PITPNM2: variants seen among roughly 807,000 people sequenced by gnomAD.
The protein encoded by PITPNM2 is membrane-associated phosphatidylinositol transfer protein 2.
Under a neutral mutation model 132.2 loss-of-function variants are expected in PITPNM2, and 35 were observed. The observed-to-expected ratio is 0.26, with a 90% CI of 0.20 to 0.35. The LOEUF (loss-of-function observed/expected upper bound fraction) is 0.35. Ranked by LOEUF, PITPNM2 falls within the 10% of genes least tolerant of loss-of-function variation. The probability of loss-of-function intolerance (pLI) is 1.00; values close to 1 mark genes in which losing one functional copy is unlikely to be tolerated. For synonymous variants in PITPNM2, 738 were observed against 799.2 expected (o/e 0.92, Z 1.29); for missense variants, 1,332 against 1,912.0 (o/e 0.70, Z 5.66).
Position 122,996,705 on chromosome 12 carries a change from C to T in PITPNM2, c.1662+16G>A, listed in dbSNP as rs1279933592. Reference sequence around the variant, plus strand: ...TCTTCCATCCTCCTCCCCTCCCCAACTTCCCCGGGACTCACCTGCCCATTG... The same window carrying T: ...TCTTCCATCCTCCTCCCCTCCCCAATTTCCCCGGGACTCACCTGCCCATTG... On this transcript the variant is annotated intron_variant, in intron 12 of 25. Coordinates refer to ENST00000320201, the MANE Select transcript of PITPNM2 (RefSeq NM_020845.3). 1.2e-5 allele frequency: 20 copies of T among 1,610,790 alleles called. No individual in the cohort carries two copies. The highest frequency in any genetic ancestry group is 1.6e-5 in the Non-Finnish European group (19 of 1,179,082).
At chr12:123,135,614 A>G (rs1394530878) in intron 1 of PITPNM2, among the ~76,000 whole-genome samples, 3 of 152,150 alleles carry the variant, frequency 2.0e-5, no homozygotes, top group Non-Finnish European at 4.4e-5. Context: ...ATCATGCAGT[A>G]TTTGCGTTTC....
intron 1 of PITPNM2, among the ~76,000 whole-genome samples, chr12:123,128,265 A>C (rs1475858785): frequency 1.1e-4 from 1 of 9,062 alleles, no homozygotes; most frequent in Non-Finnish European, 4.2e-4. Flanking sequence ...CCATCTCTAC[A>C]AAAAAAAAAA....
intron 3 of PITPNM2, among the ~76,000 whole-genome samples, chr12:123,027,236 T>C (rs56000615): frequency 0.025 from 3,753 of 152,208 alleles, 139 homozygotes; most frequent in African/African-American, 0.084. Context: ...TGACTCTTCA[T>C]GCTGACTCCA....
At chr12:123,049,768 T>G (rs889953974) in intron 2 of PITPNM2, among the ~76,000 whole-genome samples, 8 of 152,326 alleles carry the variant, frequency 5.3e-5, no homozygotes, top group African/African-American at 1.9e-4. Context: ...ATAATCCCAG[T>G]AGATAATCCT....
chr12:123,127,473 A>G (rs947491839), intron 1 of PITPNM2, among the ~76,000 whole-genome samples: 7 of 152,204 alleles, frequency 4.6e-5, no homozygotes, highest in African/African-American at 1.7e-4. Context: ...CTTATTTTGC[A>G]ACAGGCTGCC....
intron 2 of PITPNM2, among the ~76,000 whole-genome samples, chr12:123,040,117 G>C (rs1487621358): frequency 6.6e-6 from 1 of 152,048 alleles, no homozygotes; most frequent in African/African-American, 2.4e-5. Context: ...GCAACAGAGC[G>C]AGACCCTATC....
Position 123,008,834 on chromosome 12 carries a change from G to A in PITPNM2, c.643+1016C>T, listed in dbSNP as rs975687880. On this transcript the variant is annotated intron_variant, in intron 6 of 25. Transcript: ENST00000320201. The surrounding 1 kb of genome is among the most constrained non-coding windows in gnomAD (Gnocchi z 4.1). Reference sequence around the variant, plus strand: ...TCTTCGCTTCTCCAAGTGGAAGACCGCGTCCTTGGACCCCAATCCTTTCGG... The same window carrying A: ...TCTTCGCTTCTCCAAGTGGAAGACCACGTCCTTGGACCCCAATCCTTTCGG... Among the ~76,000 whole-genome samples the A allele has an allele frequency of 1.3e-5, 2 of 152,198 alleles. No individual in the cohort carries two copies. The highest frequency in any genetic ancestry group is 2.4e-5 in the African/African-American group (1 of 41,444).
intron 2 of PITPNM2, among the ~76,000 whole-genome samples, chr12:123,096,034 G>A (rs893844901): frequency 3.3e-5 from 5 of 152,242 alleles, no homozygotes; most frequent in Non-Finnish European, 7.3e-5. Flanking sequence ...GTAGCTCAGA[G>A]CCCACACTCA....
rs371494136 is a variant in PITPNM2 at position 123,012,751 on chromosome 12, G to A, written c.294-17C>T. The A allele has an allele frequency of 3.1e-6, 5 of 1,613,316 alleles. No individual in the cohort carries two copies. The highest frequency in any genetic ancestry group is 1.1e-5 in the South Asian group (1 of 90,970). On this transcript the variant is annotated splice_polypyrimidine_tract_variant and intron_variant, in intron 4 of 25. Coordinates refer to ENST00000320201, the MANE Select transcript of PITPNM2 (RefSeq NM_020845.3). ...CAGGTGAACCTGTGCGGAAAGGAAA[G>A]CACTCATCAGGACCTGTCCTTGGAG... is the stretch of plus-strand genomic sequence containing the variant.
At chr12:123,020,872 TA>T (rs957652530) in intron 3 of PITPNM2, among the ~76,000 whole-genome samples, 1 of 148,050 alleles carries the variant, frequency 6.8e-6, no homozygotes, top group African/African-American at 2.5e-5. Flanking sequence ...AAAACAATAA[TA>T]AAAAAAAATA....
At chr12:123,029,620 C>A (rs2039997101) in intron 3 of PITPNM2, among the ~76,000 whole-genome samples, 1 of 141,462 alleles carries the variant, frequency 7.1e-6, no homozygotes, top group Non-Finnish European at 1.5e-5. Context: ...AGGAGCACTA[C>A]CCCCTTGGGT....
At position 122,996,039 on chromosome 12, in the gene PITPNM2, G is replaced by A. The variant is rs561582878; in HGVS notation, c.1783-379C>T. ...CCTGCCCCCATGTACCTGCCCTGCC[G>A]CCTCTGGGCACCTATGCTGCCAACC... On this transcript the variant is annotated intron_variant, in intron 13 of 25. Coordinates refer to ENST00000320201, the MANE Select transcript of PITPNM2 (RefSeq NM_020845.3). Among the ~76,000 whole-genome samples the A allele has an allele frequency of 4.7e-4, 71 of 152,302 alleles. 1 individual carries two copies. The highest frequency in any genetic ancestry group is 1.6e-3 in the African/African-American group (65 of 41,554).
chr12:123,037,350 G>A (rs1481335557), intron 2 of PITPNM2, among the ~76,000 whole-genome samples: 4 of 152,220 alleles, frequency 2.6e-5, no homozygotes, highest in African/African-American at 9.7e-5. Flanking sequence ...GAAGTTCAAT[G>A]GGGGTTGTTT....
chr12:123,046,944 C>A (rs1360997948), intron 2 of PITPNM2, among the ~76,000 whole-genome samples: 38 of 152,176 alleles, frequency 2.5e-4, no homozygotes, highest in Non-Finnish European at 1.5e-4. Context: ...AGAATTGAAC[C>A]ATCATCTTCT....
intron 11 of PITPNM2, 105 bp downstream of exon 11, chr12:122,997,220 G>T: frequency 6.5e-7 from 1 of 1,530,072 alleles, no homozygotes; most frequent in Non-Finnish European, 8.9e-7. Flanking sequence ...GGTGGGTCTG[G>T]ACATCGGGGC....
At chr12:123,127,881 T>A (rs2043180308) in intron 1 of PITPNM2, among the ~76,000 whole-genome samples, 1 of 152,050 alleles carries the variant, frequency 6.6e-6, no homozygotes, top group African/African-American at 2.4e-5. Flanking sequence ...AGTGCTGGGA[T>A]TACAGGCATG....
At position 122,994,355 on chromosome 12, in the gene PITPNM2, G is replaced by A. The variant is rs1464309879; in HGVS notation, c.2233+446C>T. On this transcript the variant is annotated intron_variant, in intron 15 of 25. Transcript: ENST00000320201. This position sits in a 1 kb window ranked among gnomAD's most constrained non-coding sequence, Gnocchi z 5.4. Reference sequence around the variant, plus strand: ...GCTGCTCCAATGACGCCCAGCCGCTGGCCTGCCTGCCCTGGGTAGACAGAG... The same window carrying A: ...GCTGCTCCAATGACGCCCAGCCGCTAGCCTGCCTGCCCTGGGTAGACAGAG... Among the ~76,000 whole-genome samples, 1 of 152,192 alleles carries A rather than the reference G, an allele frequency of 6.6e-6. No individual in the cohort carries two copies. Among genetic ancestry groups the A allele is most frequent in the Non-Finnish European group, 1.5e-5 (1 of 68,028 alleles).
chr12:123,016,353 G>A (rs1439683333), intron 3 of PITPNM2, among the ~76,000 whole-genome samples: 1 of 149,706 alleles, frequency 6.7e-6, no homozygotes, highest in African/African-American at 2.5e-5. Context: ...ATCTCGCTCT[G>A]TCACCAGGCT....
chr12:122,995,531 T>A lies in PITPNM2; in HGVS notation c.1912A>T (p.Ser638Cys). ...ACGTTGCTTCGGCTCAGGTGCCGACTGCTCTCCAGGCTGGAGCCACCACTA... is the reference window on the plus strand; with the variant it reads ...ACGTTGCTTCGGCTCAGGTGCCGACAGCTCTCCAGGCTGGAGCCACCACTA... ...GSSGGSSLES[S>C]RHLSRSNVDI... The change falls in exon 14 of 26, where the codon AGT becomes TGT. Residue 638 changes from serine to cysteine, a missense_variant. This residue lies in a region of PITPNM2 where 710 missense variants were observed against 911.5 expected (regional missense o/e 0.78). Coordinates refer to ENST00000320201, the MANE Select transcript of PITPNM2 (RefSeq NM_020845.3). 2 of 1,612,280 alleles carry A rather than the reference T, an allele frequency of 1.2e-6. No individual in the cohort carries two copies. The highest frequency in any genetic ancestry group is 1.7e-6 in the Non-Finnish European group (2 of 1,180,002).
Sources: allele counts gnomAD v4.1 joint callset (sites outside exome capture counted in the v4.1 genomes callset), GRCh38; gene constraint gnomAD v4.1.1; regional missense constraint gnomAD v4.1.1; non-coding constraint Gnocchi (gnomAD v3.1); transcripts MANE v1.5; gene names NCBI Gene and HGNC (gene_info 2026-07-23, HGNC 2026-07-21).